Variants in IL1R1 observed in about 807,000 individuals in gnomAD.
The protein encoded by IL1R1 is interleukin-1 receptor type 1.
In IL1R1, 22 loss-of-function variants were observed where a neutral mutation model predicts 50.2. The ratio of observed to expected loss-of-function variants is 0.44; its 90% confidence interval spans 0.31 to 0.63. IL1R1 has a LOEUF of 0.63. Among genes scored for constraint, IL1R1 ranks in the 20% least tolerant of loss-of-function variants. The probability of loss-of-function intolerance (pLI) is 0.07; values close to 1 mark genes in which losing one functional copy is unlikely to be tolerated. For synonymous variants in IL1R1, 251 were observed against 236.7 expected, an observed-to-expected ratio of 1.06 and a Z score of -0.55; for missense variants, 509 against 676.2, an observed-to-expected ratio of 0.75 and a Z score of 2.74.
intron 1 of IL1R1, among the ~76,000 whole-genome samples, chr2:102,114,014 G>A (rs1680925124): frequency 6.6e-6 from 1 of 152,194 alleles, no homozygotes; most frequent in Admixed American, 6.5e-5. Context: ...GGAAACACTA[G>A]TTTATGGAAG....
intron 7 of IL1R1, among the ~76,000 whole-genome samples, chr2:102,170,542 A>G (rs1465833570): frequency 6.6e-6 from 1 of 152,252 alleles, no homozygotes; most frequent in Admixed American, 6.5e-5. Flanking sequence ...AATTAGTCAG[A>G]TAATAAATTA....
At chr2:102,114,417 A>G (rs768624836) in intron 1 of IL1R1, among the ~76,000 whole-genome samples, 1 of 152,178 alleles carries the variant, frequency 6.6e-6, no homozygotes, top group Non-Finnish European at 1.5e-5. Context: ...TGTAGGGAAA[A>G]TATGTGATTA....
intron 3 of IL1R1, among the ~76,000 whole-genome samples, chr2:102,164,468 C>T (rs1366191784): frequency 6.6e-6 from 1 of 152,096 alleles, no homozygotes; most frequent in Non-Finnish European, 1.5e-5. Context: ...GTTTCTATTA[C>T]TCCATCTTGT....
chr2:102,101,930 G>A (rs1680160001), upstream of IL1R1, among the ~76,000 whole-genome samples: 1 of 152,194 alleles, frequency 6.6e-6, no homozygotes, highest in African/African-American at 2.4e-5. Context: ...AACTCTGTAG[G>A]GGAACAACAC....
chr2:102,165,264 A>G lies in IL1R1; in HGVS notation c.446A>G (p.Lys149Arg). ...GLVCPYMEFFKNENNELPKLQ... is the reference protein window; with the variant it reads ...GLVCPYMEFFRNENNELPKLQ... The stretch of plus-strand genomic sequence containing the variant: ...GTGTGCCCTTATATGGAGTTTTTTA[A>G]AAATGAAAATAATGAGTTACCTAAA... Residue 149 changes from lysine to arginine, a missense_variant, in exon 5 of 12, where the codon AAA (lysine) becomes AGA (arginine). Lys to Arg is a conservative substitution (Grantham distance 26, BLOSUM62 2). Coordinates refer to ENST00000410023, the MANE Select transcript of IL1R1 (RefSeq NM_000877.4). The G allele has an allele frequency of 6.3e-7, 1 of 1,582,680 alleles. No individual in the cohort carries two copies. The highest frequency in any genetic ancestry group is 8.5e-7 in the Non-Finnish European group (1 of 1,170,888).
rs1685165637 is a variant in IL1R1, at chr2:102,166,158, A to G, written c.532A>G (p.Lys178Glu). Residue 178 changes from lysine (K) to glutamate (E), a missense_variant, in exon 6 of 12, where the codon AAA (lysine) becomes GAA (glutamate). By Grantham distance (56) the Lys-to-Glu change is moderately conservative (BLOSUM62 1). Transcript: ENST00000410023. ...TGACAATATACACTTTAGTGGAGTC[A>G]AAGATAGGCTCATCGTGATGAATGT... ...LLDNIHFSGV[K>E]DRLIVMNVAE... 6.2e-7 allele frequency: 1 copy of G among 1,613,812 alleles called. No homozygotes were observed. The highest frequency in any genetic ancestry group is 1.3e-5 in the African/African-American group (1 of 74,910).
chr2:102,111,533 T>C (rs941287717), intron 1 of IL1R1, among the ~76,000 whole-genome samples: 13 of 152,286 alleles, frequency 8.5e-5, no homozygotes, highest in African/African-American at 2.9e-4. Flanking sequence ...TTATTGCATG[T>C]CCAACCTGTG....
chr2:102,108,016 G>C (rs186873238), intron 1 of IL1R1, among the ~76,000 whole-genome samples: 1 of 152,330 alleles, frequency 6.6e-6, no homozygotes, highest in East Asian at 1.9e-4. Context: ...CACCTCACAA[G>C]ATTGTACTGG....
intron 1 of IL1R1, among the ~76,000 whole-genome samples, chr2:102,136,457 G>A (rs9308853): frequency 0.39 from 58,059 of 147,880 alleles, 12,489 homozygotes; most frequent in African/African-American, 0.59. Context: ...GCTCATTGCA[G>A]CCTCTGCCTC....
rs958967216 is a variant in IL1R1 at position 102,179,081 on chromosome 2, T to C, written c.*2322T>C. The C allele has an allele frequency of 6.6e-6, 1 of 152,344 alleles. No individual in the cohort carries two copies. The highest frequency in any genetic ancestry group is 2.4e-5 in the African/African-American group (1 of 41,448). The allele number at this position is 152,344 out of a possible 1,614,324, so 9.4% of individuals were successfully genotyped here. ...CCAACAGACAGGGCCTAGCTTTCAT[T>C]TGACACACAGACTACAGCCAGAAGC... is the stretch of plus-strand genomic sequence containing the variant. On this transcript the variant is annotated 3_prime_UTR_variant, in exon 12 of 12. Coordinates refer to ENST00000410023, the MANE Select transcript of IL1R1 (RefSeq NM_000877.4).
At chr2:102,119,097 A>C (rs1681259977) in intron 1 of IL1R1, among the ~76,000 whole-genome samples, 1 of 152,160 alleles carries the variant, frequency 6.6e-6, no homozygotes, top group South Asian at 2.1e-4. Context: ...ATTACTCAAA[A>C]TAAGCATATC....
chr2:102,090,386 A>G (rs1456636560), intron 1 of IL1R1, among the ~76,000 whole-genome samples: 2 of 152,174 alleles, frequency 1.3e-5, no homozygotes, highest in South Asian at 2.1e-4. Context: ...TTTGGCCACT[A>G]TCTCTTCAAC....
chr2:102,177,232 C>A lies in IL1R1; in HGVS notation c.*473C>A. 1 of 171,424 alleles carries A rather than the reference C, an allele frequency of 5.8e-6. No homozygotes were observed. Among genetic ancestry groups the A allele is most frequent in the Non-Finnish European group, 1.3e-5 (1 of 78,016 alleles). 10.6% of individuals were successfully genotyped at this position (171,424 alleles called of 1,614,324 possible). A position where few individuals can be genotyped will look rare whatever the true frequency, so the allele number is the denominator to read the frequency against. ...AGTGAGCCGAGTTTGGGCCACTGCACTCTAGCCTGGCAACAGAGCAAGACT... is the reference window on the plus strand; with the variant it reads ...AGTGAGCCGAGTTTGGGCCACTGCAATCTAGCCTGGCAACAGAGCAAGACT... On this transcript the variant is annotated 3_prime_UTR_variant, in exon 12 of 12. Coordinates refer to ENST00000410023, the MANE Select transcript of IL1R1 (RefSeq NM_000877.4).
intron 1 of IL1R1, among the ~76,000 whole-genome samples, chr2:102,144,143 A>T (rs567219297): frequency 8.1e-4 from 123 of 152,254 alleles, no homozygotes; most frequent in African/African-American, 2.9e-3. Flanking sequence ...CTTCTAATTT[A>T]TTGTGTGATA....
intron 1 of IL1R1, among the ~76,000 whole-genome samples, chr2:102,078,565 C>T (rs1323374156): frequency 1.0e-5 from 1 of 97,286 alleles, no homozygotes; most frequent in Non-Finnish European, 2.3e-5. Flanking sequence ...AAAAACTTCA[C>T]ACACACACAC....
At chr2:102,149,736 C>T (rs536622389) in intron 1 of IL1R1, among the ~76,000 whole-genome samples, 3 of 152,150 alleles carry the variant, frequency 2.0e-5, no homozygotes, top group East Asian at 1.9e-4. Flanking sequence ...AGGTGGACTT[C>T]GACACCTACC....
rs576561249 is a variant in IL1R1 at position 102,072,028 on chromosome 2, G to C, written c.-84+1495G>C. On this transcript the variant is annotated intron_variant, in intron 1 of 11. Coordinates refer to the IL1R1 transcript ENST00000409929. Reference sequence around the variant, plus strand: ...TCCCAGCACTTTGGGAGGCCGAAGTGGGGGGAATCAGCTGAGGTCAGGAGT... The same window carrying C: ...TCCCAGCACTTTGGGAGGCCGAAGTCGGGGGAATCAGCTGAGGTCAGGAGT... Among the ~76,000 whole-genome samples, 109 of 152,234 alleles carry C rather than the reference G, an allele frequency of 7.2e-4. 1 individual carries two copies. The highest frequency in any genetic ancestry group is 1.2e-3 in the Non-Finnish European group (80 of 68,020).
In IL1R1 at chr2:102,153,715, G is replaced by T. The variant is rs554887083; in HGVS notation, c.-83-226G>T. Among the ~76,000 whole-genome samples the T allele has an allele frequency of 1.9e-3, 288 of 152,260 alleles. 3 individuals are homozygous for T. Among genetic ancestry groups the T allele is most frequent in the African/African-American group, 6.2e-3 (257 of 41,532 alleles). On this transcript the variant is annotated intron_variant, in intron 1 of 11. Transcript: ENST00000410023. ...TCTCTCTCCTGCTGTCATGTAAGAC[G>T]TGCCTACTTCCACTTCCACCATGAT...
intron 1 of IL1R1, among the ~76,000 whole-genome samples, chr2:102,151,916 G>A (rs3755294): frequency 0.17 from 25,156 of 152,116 alleles, 2,433 homozygotes; most frequent in African/African-American, 0.27. Flanking sequence ...CACAGAGCCA[G>A]CTGAACAGTG....
Sources: gnomAD v4.1 joint callset for allele counts (sites outside exome capture counted in the v4.1 genomes callset) on GRCh38, gnomAD v4.1.1 for gene constraint, MANE v1.5 for transcripts, NCBI Gene and HGNC (gene_info 2026-07-23, HGNC 2026-07-21) for gene names.